GGA2: variants seen among roughly 807,000 people sequenced by gnomAD.
GGA2 encodes the protein ADP-ribosylation factor-binding protein GGA2.
In GGA2, 48 loss-of-function variants were observed where a neutral mutation model predicts 79.5. That is an observed-to-expected ratio of 0.60 (90% CI 0.48 to 0.77). The LOEUF (loss-of-function observed/expected upper bound fraction) is 0.77. Ranked by LOEUF, GGA2 falls within the 30% of genes least tolerant of loss-of-function variation. The pLI, the probability that GGA2 is intolerant of heterozygous loss-of-function variation, is 0.00. For synonymous variants in GGA2, 317 were observed against 302.0 expected (o/e 1.05, Z -0.51); for missense variants, 770 against 774.0 (o/e 0.99, Z 0.06).
At chr16:23,486,274 T>C (rs565760030) in intron 7 of GGA2, 122 bp from the exon 8 acceptor site, 171 of 817,944 alleles carry the variant, frequency 2.1e-4, no homozygotes, top group Admixed American at 5.2e-4. Flanking sequence ...GGATGTTAAG[T>C]GCATGGGAGA....
chr16:23,491,083 G>A (rs1490588238), intron 5 of GGA2, among the ~76,000 whole-genome samples: 1 of 152,030 alleles, frequency 6.6e-6, no homozygotes, highest in Non-Finnish European at 1.5e-5. Flanking sequence ...CAGAGACAGA[G>A]AGAGAGGAAG....
chr16:23,472,396 C>G (rs954537450), intron 14 of GGA2, among the ~76,000 whole-genome samples: 1 of 151,458 alleles, frequency 6.6e-6, no homozygotes, highest in African/African-American at 2.4e-5. Context: ...CAGGGTTTCA[C>G]CATGTTGGCC....
intron 7 of GGA2, among the ~76,000 whole-genome samples, 176 bp from the exon 8 acceptor site, chr16:23,486,328 T>C (rs1196401008): frequency 6.6e-6 from 1 of 152,202 alleles, no homozygotes; most frequent in Non-Finnish European, 1.5e-5. Flanking sequence ...CCAGAGTTCC[T>C]GGGGAGGAAA....
Position 23,466,095 on chromosome 16 carries a change from A to G in GGA2, c.*1495T>C, listed in dbSNP as rs1048738128. The G allele has an allele frequency of 6.6e-6, 1 of 152,244 alleles. No individual in the cohort carries two copies. Among genetic ancestry groups the G allele is most frequent in the Non-Finnish European group, 1.5e-5 (1 of 68,066 alleles). The allele number at this position is 152,244 out of a possible 1,614,324, so 9.4% of individuals were successfully genotyped here. A position where few individuals can be genotyped will look rare whatever the true frequency, so the allele number is the denominator to read the frequency against. The stretch of plus-strand genomic sequence containing the variant: ...AAAATTAGCATACTTGATCTTTTAC[A>G]GTTCCCATCTCCACCAATTAGTATT... On this transcript the variant is annotated 3_prime_UTR_variant, in exon 17 of 17. Coordinates refer to ENST00000309859, the MANE Select transcript of GGA2 (RefSeq NM_015044.4).
chr16:23,509,385 G>A (rs534591644), intron 1 of GGA2, among the ~76,000 whole-genome samples: 1 of 152,196 alleles, frequency 6.6e-6, no homozygotes, highest in African/African-American at 2.4e-5. Context: ...CGGCTGTGAC[G>A]ACCCCCAGGT....
At chr16:23,519,281 G>T (rs1052840983) in intron 2 of GGA2, among the ~76,000 whole-genome samples, 6 of 152,076 alleles carry the variant, frequency 3.9e-5, no homozygotes, top group Non-Finnish European at 7.4e-5. Context: ...AGGCTCAAGT[G>T]ATCCACTGGC....
At chr16:23,483,125 A>G (rs535401744) in intron 8 of GGA2, 121 bp from the exon 9 acceptor site, 5 of 690,044 alleles carry the variant, frequency 7.2e-6, no homozygotes, top group East Asian at 5.4e-5. Context: ...AGGCCTCCCA[A>G]TGGTCCTGAC....
At chr16:23,523,557 T>G (rs1965174992), upstream of GGA2, 1 of 152,250 alleles carries the variant, frequency 6.6e-6, no homozygotes, top group African/African-American at 2.4e-5. Flanking sequence ...CCAAAGAAAG[T>G]CTGGTGTCCA....
At chr16:23,477,122 T>C (rs1964585237) in intron 13 of GGA2, among the ~76,000 whole-genome samples, 1 of 152,126 alleles carries the variant, frequency 6.6e-6, no homozygotes, top group Non-Finnish European at 1.5e-5. Context: ...TGGCTAATTT[T>C]AGTATTTTTT....
At chr16:23,492,311 C>T (rs1964798581) in intron 4 of GGA2, among the ~76,000 whole-genome samples, 1 of 152,176 alleles carries the variant, frequency 6.6e-6, no homozygotes, top group East Asian at 1.9e-4. Flanking sequence ...AGCCCCATCC[C>T]CTGACCGGTG....
At chr16:23,510,566 G>A (rs1217310101), upstream of GGA2, 4 of 386,334 alleles carry the variant, frequency 1.0e-5, no homozygotes, top group Non-Finnish European at 1.8e-5. Flanking sequence ...CCCCCTCCAC[G>A]CGGGACCGGC....
rs192767355 is a variant in GGA2 at position 23,503,131 on chromosome 16, T to C, written c.91+7190A>G. 1.1e-4 allele frequency among the ~76,000 whole-genome samples: 16 copies of C among 152,328 alleles called. No individual in the cohort carries two copies. In the East Asian group the frequency reaches 2.7e-3, roughly 26 times the overall value. ...TTTCCTTTCCTTTTATCGGGAACAA[T>C]AGGAATCCCTATTTTCTTTCTTGTG... On this transcript the variant is annotated intron_variant, in intron 1 of 16. Coordinates refer to ENST00000309859, the MANE Select transcript of GGA2 (RefSeq NM_015044.4).
chr16:23,486,111 C>T lies in GGA2; in HGVS notation c.702G>A (p.Ala234=), dbSNP rs139803845. The T allele has an allele frequency of 1.4e-4, 220 of 1,613,544 alleles. No homozygotes were observed. In the Middle Eastern group the frequency reaches 1.5e-3, roughly 11 times the overall value. ...KSEKVSKRVS[A]VEEVRSHVKV... The stretch of plus-strand genomic sequence containing the variant: ...TCACATGGCTTCGCACTTCCTCCAC[C>T]GCACTGACCCTCTTGGACACCTTCT... Residue 234 remains alanine (A), a synonymous_variant, in exon 8 of 17, where the codon GCG becomes GCA. Transcript: ENST00000309859.
At chr16:23,491,916 G>A (rs1964793872) in intron 4 of GGA2, 116 bp from the exon 5 acceptor site, 2 of 647,972 alleles carry the variant, frequency 3.1e-6, no homozygotes, top group Non-Finnish European at 2.7e-6. Context: ...CGCGGTATGA[G>A]TGTGAGGAGA....
At chr16:23,520,269 A>AAG (rs986258127) in intron 1 of GGA2, among the ~76,000 whole-genome samples, 1 of 151,878 alleles carries the variant, frequency 6.6e-6, no homozygotes, top group African/African-American at 2.4e-5. Flanking sequence ...AAAAAAAAAA[A>AAG]AAGAACTTCG....
chr16:23,514,156 A>G (rs1287676978), upstream of GGA2, among the ~76,000 whole-genome samples: 1 of 151,830 alleles, frequency 6.6e-6, no homozygotes, highest in Admixed American at 6.6e-5. Context: ...CCCAGGCTGG[A>G]GTGCAGTGGC....
intron 8 of GGA2, among the ~76,000 whole-genome samples, chr16:23,484,117 G>A (rs2142124500): frequency 6.6e-6 from 1 of 151,370 alleles, no homozygotes; most frequent in African/African-American, 2.4e-5. Context: ...GTGAAACCCT[G>A]TCTCTACTGG....
At chr16:23,521,847 T>A (rs1409201670) in exon 1 of GGA2, 4 of 455,938 alleles carry the variant, frequency 8.8e-6, no homozygotes, top group Admixed American at 7.1e-5. Flanking sequence ...TAGAAACAGA[T>A]GCTCTGACAA....
At chr16:23,490,215 T>G (rs1964765563) in intron 5 of GGA2, among the ~76,000 whole-genome samples, 1 of 152,102 alleles carries the variant, frequency 6.6e-6, no homozygotes, top group Non-Finnish European at 1.5e-5. Context: ...CAGCTAACAC[T>G]AGAGGAATCT....
Sources: allele counts gnomAD v4.1 joint callset (sites outside exome capture counted in the v4.1 genomes callset), GRCh38; gene constraint gnomAD v4.1.1; transcripts MANE v1.5; gene names NCBI Gene and HGNC (gene_info 2026-07-23, HGNC 2026-07-21).